DNAH11: variants seen among roughly 807,000 people sequenced by gnomAD.
DNAH11 encodes axonemal beta dynein heavy chain 11.
In DNAH11, 442 loss-of-function variants were observed where a neutral mutation model predicts 526.0. The observed-to-expected ratio is 0.84, with a 90% CI of 0.78 to 0.91. The LOEUF is 0.91. DNAH11 is among the 40% of genes least tolerant of loss of function. The pLI is 0.00. For missense variants in DNAH11, 6,989 were observed against 5,448.7 expected, an observed-to-expected ratio of 1.28 and a Z score of -8.90; for synonymous variants, 2,461 against 1,935.9, an observed-to-expected ratio of 1.27 and a Z score of -7.12.
intron 32 of DNAH11, among the ~76,000 whole-genome samples, chr7:21,684,707 C>G (rs963361481): frequency 1.3e-5 from 2 of 152,158 alleles, no homozygotes; most frequent in African/African-American, 2.4e-5. Context: ...CAGTGTGGCT[C>G]AAGTATTTCA....
At chr7:21,726,384 A>G (rs2128485756) in intron 45 of DNAH11, among the ~76,000 whole-genome samples, 1 of 152,298 alleles carries the variant, frequency 6.6e-6, no homozygotes, top group East Asian at 1.9e-4. Context: ...ACAATTCAAC[A>G]TGAGATTTGG....
rs553655709 is a variant in DNAH11, at chr7:21,765,525, C to A, written c.9038C>A (p.Ala3013Glu). The A allele has an allele frequency of 6.2e-7, 1 of 1,608,822 alleles. No homozygotes were observed. Among genetic ancestry groups the A allele is most frequent in the African/African-American group, 1.3e-5 (1 of 74,914 alleles). ...VNCTAIDWFH[A>E]WPQEALVSVS... Reference sequence around the variant, plus strand: ...TGCACGGCTATTGACTGGTTTCATGCGTGGCCGCAGGAGGCTCTGGTCTCC... The same window carrying A: ...TGCACGGCTATTGACTGGTTTCATGAGTGGCCGCAGGAGGCTCTGGTCTCC... Residue 3013 changes from alanine (A) to glutamate (E), a missense_variant, in exon 55 of 82, where the codon GCG becomes GAG. Coordinates refer to ENST00000409508, the MANE Select transcript of DNAH11 (RefSeq NM_001277115.2).
At chr7:21,876,109 C>A (rs1783701416) in intron 74 of DNAH11, among the ~76,000 whole-genome samples, 1 of 152,054 alleles carries the variant, frequency 6.6e-6, no homozygotes, top group South Asian at 2.1e-4. Context: ...TGGTCTTGAT[C>A]TCCTGACCTT....
intron 29 of DNAH11, 57 bp downstream of exon 29, chr7:21,656,038 GA>G: frequency 6.7e-7 from 1 of 1,486,160 alleles, no homozygotes; most frequent in Non-Finnish European, 9.0e-7. Flanking sequence ...CATGCTCTTA[GA>G]AGGTTGAGTT....
intron 76 of DNAH11, among the ~76,000 whole-genome samples, chr7:21,891,723 G>A (rs769573863): frequency 6.6e-6 from 1 of 152,108 alleles, no homozygotes; most frequent in Non-Finnish European, 1.5e-5. Flanking sequence ...CACTCAGTAG[G>A]TAACTGTGTA....
chr7:21,842,279 A>G lies in DNAH11; in HGVS notation c.10692-265A>G, dbSNP rs368328171. Among the ~76,000 whole-genome samples the G allele has an allele frequency of 3.9e-5, 6 of 152,308 alleles. No individual in the cohort carries two copies. The East Asian group carries it at 5.8e-4, about 15-fold the overall frequency. On this transcript the variant is annotated intron_variant, in intron 65 of 81. Transcript: ENST00000409508. ...TTTGTTGTTATAGGTCTTTTATATG[A>G]TTGTATTTAATTGTTACAGTGACAC...
Position 21,749,743 on chromosome 7 carries a change from A to T in DNAH11, c.8739A>T (p.Thr2913=), listed in dbSNP as rs1399503552. ...ACATGCCCACTGTGTTCCTGCTGACAGATGCCCAGGTTCTAGATGAGAGCT... is the reference window on the plus strand; with the variant it reads ...ACATGCCCACTGTGTTCCTGCTGACTGATGCCCAGGTTCTAGATGAGAGCT... ...AKNMPTVFLL[T]DAQVLDESFL... is the part of the protein sequence containing the mutation. The change falls in exon 53 of 82, where the codon ACA becomes ACT. Residue 2913 remains threonine, a synonymous_variant. Transcript: ENST00000409508. 6.2e-7 allele frequency: 1 copy of T among 1,613,984 alleles called. No individual in the cohort carries two copies. Among genetic ancestry groups the T allele is most frequent in the Admixed American group, 1.7e-5 (1 of 60,016 alleles).
intron 45 of DNAH11, among the ~76,000 whole-genome samples, chr7:21,733,943 T>C (rs1309608135): frequency 6.6e-6 from 1 of 152,192 alleles, no homozygotes; most frequent in Non-Finnish European, 1.5e-5. Flanking sequence ...TGACTGGAAT[T>C]AAAGGAGTTT....
intron 30 of DNAH11, among the ~76,000 whole-genome samples, chr7:21,659,991 A>G (rs74642524): frequency 0.023 from 3,476 of 152,210 alleles, 63 homozygotes; most frequent in Non-Finnish European, 0.036. Flanking sequence ...GGAAAAAGAA[A>G]TTCTTGATTT....
chr7:21,573,396 C>G (rs1562670910), intron 8 of DNAH11, among the ~76,000 whole-genome samples: 1 of 152,176 alleles, frequency 6.6e-6, no homozygotes, highest in Non-Finnish European at 1.5e-5. Flanking sequence ...CTGTCTGATT[C>G]TTGCCTTAGA....
chr7:21,658,978 A>G lies in DNAH11; in HGVS notation c.5275A>G (p.Ser1759Gly). 1 of 1,610,060 alleles carries G rather than the reference A, an allele frequency of 6.2e-7. No individual in the cohort carries two copies. Among genetic ancestry groups the G allele is most frequent in the Non-Finnish European group, 8.5e-7 (1 of 1,178,214 alleles). ...GACCACAGATGTAGGAATAGCCTTC[A>G]GTAGACTGGAAGAAGGCTACGAAAC... ...WWTTDVGIAF[S>G]RLEEGYETAL... is the part of the protein sequence containing the mutation. Residue 1759 changes from serine to glycine, a missense_variant, in exon 30 of 82, where the codon AGT becomes GGT. Transcript: ENST00000409508.
intron 22 of DNAH11, among the ~76,000 whole-genome samples, chr7:21,616,535 G>A (rs1420539669): frequency 6.6e-6 from 1 of 152,134 alleles, no homozygotes; most frequent in Non-Finnish European, 1.5e-5. Flanking sequence ...CTCTAATTAT[G>A]AGCTTCCTAC....
intron 27 of DNAH11, among the ~76,000 whole-genome samples, chr7:21,638,115 A>G (rs1786955137): frequency 6.6e-6 from 1 of 152,184 alleles, no homozygotes; most frequent in Non-Finnish European, 1.5e-5. Flanking sequence ...CAGCATTTTT[A>G]AAATCATTGT....
chr7:21,713,420 T>C (rs1467038602), intron 42 of DNAH11, among the ~76,000 whole-genome samples: 3 of 152,166 alleles, frequency 2.0e-5, no homozygotes, highest in Non-Finnish European at 4.4e-5. Context: ...AACAGGGTCA[T>C]GTCAGGATGG....
At chr7:21,640,988 G>A (rs536235056) in intron 28 of DNAH11, among the ~76,000 whole-genome samples, 36 of 152,250 alleles carry the variant, frequency 2.4e-4, no homozygotes, top group African/African-American at 8.2e-4. Context: ...AAGGATCCAC[G>A]TGCTGGATTT....
chr7:21,895,606 G>A (rs553888393), intron 79 of DNAH11, among the ~76,000 whole-genome samples: 1 of 152,244 alleles, frequency 6.6e-6, no homozygotes, highest in African/African-American at 2.4e-5. Context: ...GTTGATTCCT[G>A]GCTTTTTGGT....
chr7:21,644,796 C>T (rs1055648413), intron 28 of DNAH11, among the ~76,000 whole-genome samples: 8 of 152,116 alleles, frequency 5.3e-5, no homozygotes, highest in Non-Finnish European at 1.2e-4. Context: ...TAAATGGATA[C>T]CTTAATATAA....
chr7:21,558,166 A>G (rs919208853), intron 2 of DNAH11, among the ~76,000 whole-genome samples: 23 of 152,226 alleles, frequency 1.5e-4, no homozygotes, highest in African/African-American at 5.1e-4. Context: ...AATGTTTAAA[A>G]TGAGTAGATA....
intron 45 of DNAH11, among the ~76,000 whole-genome samples, chr7:21,726,669 G>C (rs1419318059): frequency 6.6e-6 from 1 of 150,954 alleles, no homozygotes; most frequent in African/African-American, 2.4e-5. Context: ...AGGCCATCCT[G>C]GCTAACACGG....
Sources: allele counts gnomAD v4.1 joint callset (sites outside exome capture counted in the v4.1 genomes callset), GRCh38; gene constraint gnomAD v4.1.1; transcripts MANE v1.5; gene names NCBI Gene and HGNC (gene_info 2026-07-23, HGNC 2026-07-21).